Variants in GRM7 observed in about 807,000 individuals in gnomAD.
GRM7 encodes glutamate metabotropic receptor 7, also known as metabotropic glutamate receptor 7.
A neutral mutation model predicts 84.5 loss-of-function variants in GRM7; 35 were observed. That is an observed-to-expected ratio of 0.41 (90% CI 0.32 to 0.55). GRM7 has a LOEUF of 0.55. Among genes scored for constraint, GRM7 ranks in the 20% least tolerant of loss-of-function variants. The pLI, the probability that GRM7 is intolerant of heterozygous loss-of-function variation, is 0.19. For missense variants in GRM7, 1,003 were observed against 1,194.6 expected, an observed-to-expected ratio of 0.84 and a Z score of 2.36; for synonymous variants, 487 against 455.1, an observed-to-expected ratio of 1.07 and a Z score of -0.89.
intron 6 of GRM7, among the ~76,000 whole-genome samples, chr3:7,458,067 G>T (rs1698093358): frequency 6.6e-6 from 1 of 152,192 alleles, no homozygotes; most frequent in South Asian, 2.1e-4. Context: ...GTGGTAAAAT[G>T]AGAACAGAAA....
chr3:6,907,348 T>A (rs1471162620), intron 1 of GRM7, among the ~76,000 whole-genome samples: 1 of 152,208 alleles, frequency 6.6e-6, no homozygotes, highest in Non-Finnish European at 1.5e-5. Flanking sequence ...GTACATGAGA[T>A]GAAAATGGTT....
intron 7 of GRM7, among the ~76,000 whole-genome samples, chr3:7,538,784 G>A (rs556923118): frequency 1.8e-4 from 27 of 152,266 alleles, no homozygotes; most frequent in African/African-American, 6.0e-4. Context: ...TGGCTGTTTC[G>A]CAGGTGCAAC....
chr3:7,141,258 C>T (rs1292630419), intron 1 of GRM7, among the ~76,000 whole-genome samples: 1 of 151,444 alleles, frequency 6.6e-6, no homozygotes, highest in Non-Finnish European at 1.5e-5. Context: ...GGGTAGAAGA[C>T]AAAAAGAAAA....
At chr3:7,527,955 A>G (rs1039772116) in intron 7 of GRM7, among the ~76,000 whole-genome samples, 5 of 151,986 alleles carry the variant, frequency 3.3e-5, no homozygotes, top group Admixed American at 6.6e-5. Flanking sequence ...TGCTGCATCT[A>G]TGTTAATCAG....
intron 2 of GRM7, among the ~76,000 whole-genome samples, chr3:7,184,076 G>A (rs6795397): frequency 0.25 from 38,153 of 152,064 alleles, 5,551 homozygotes; most frequent in Non-Finnish European, 0.34. Flanking sequence ...CTTATGACAA[G>A]GAGGAGGATG....
At chr3:7,547,241 C>G (rs1575478863) in intron 7 of GRM7, among the ~76,000 whole-genome samples, 1 of 119,912 alleles carries the variant, frequency 8.3e-6, no homozygotes, top group East Asian at 2.8e-4. Flanking sequence ...GAGTCTCACT[C>G]TGTCGCCCAG....
At chr3:7,230,351 G>A (rs1697153239) in intron 2 of GRM7, among the ~76,000 whole-genome samples, 4 of 152,150 alleles carry the variant, frequency 2.6e-5, no homozygotes, top group African/African-American at 9.7e-5. Flanking sequence ...AATATCAAGA[G>A]CAAGCAAGGT....
chr3:7,248,207 A>G (rs1056720328), intron 2 of GRM7, among the ~76,000 whole-genome samples: 8 of 152,198 alleles, frequency 5.3e-5, no homozygotes, highest in Non-Finnish European at 2.9e-5. Context: ...GCAAACTAGA[A>G]GAGACTCAAA....
At chr3:7,211,692 T>C (rs992509094) in intron 2 of GRM7, among the ~76,000 whole-genome samples, 5 of 142,968 alleles carry the variant, frequency 3.5e-5, no homozygotes, top group African/African-American at 1.3e-4. Context: ...AAAAAATTCT[T>C]TGTTGCGGAT....
intron 1 of GRM7, among the ~76,000 whole-genome samples, chr3:7,103,905 G>T (rs1315430507): frequency 1.4e-5 from 2 of 141,720 alleles, no homozygotes; most frequent in African/African-American, 5.5e-5. Context: ...ATTGTATTTA[G>T]GTCTGTAAAT....
intron 1 of GRM7, 54 bp from the exon 2 acceptor site, chr3:7,146,398 A>G: frequency 7.9e-7 from 1 of 1,268,602 alleles, no homozygotes; most frequent in Non-Finnish European, 1.2e-6. Context: ...AGTATAAATG[A>G]GTCTCTTACA....
At chr3:6,997,907 G>A (rs6803629) in intron 1 of GRM7, among the ~76,000 whole-genome samples, 2,095 of 151,846 alleles carry the variant, frequency 0.014, 60 homozygotes, top group African/African-American at 0.048. Context: ...ATCACCTAAG[G>A]TCATGAGTAC....
At chr3:7,040,964 T>A (rs1027537080) in intron 1 of GRM7, among the ~76,000 whole-genome samples, 4 of 151,496 alleles carry the variant, frequency 2.6e-5, no homozygotes, top group Non-Finnish European at 5.9e-5. Context: ...GCACCTGTAG[T>A]CCCAGCTACT....
At chr3:7,517,780 C>T (rs1700446805) in intron 7 of GRM7, among the ~76,000 whole-genome samples, 1 of 152,220 alleles carries the variant, frequency 6.6e-6, no homozygotes, top group South Asian at 2.1e-4. Flanking sequence ...TATCCCAGTT[C>T]ATCTTCATAA....
chr3:7,413,715 A>G (rs1023909225), intron 4 of GRM7, among the ~76,000 whole-genome samples: 1 of 152,180 alleles, frequency 6.6e-6, no homozygotes, highest in African/African-American at 2.4e-5. Context: ...TGATACAGTA[A>G]GTTGGTGATG....
intron 1 of GRM7, among the ~76,000 whole-genome samples, chr3:6,902,916 A>C (rs1696443852): frequency 6.6e-6 from 1 of 151,730 alleles, no homozygotes; most frequent in Non-Finnish European, 1.5e-5. Flanking sequence ...TAAGGGTTAG[A>C]ACTTTTTATA....
intron 4 of GRM7, among the ~76,000 whole-genome samples, chr3:7,401,182 C>G (rs1434757470): frequency 6.6e-6 from 1 of 152,078 alleles, no homozygotes; most frequent in Non-Finnish European, 1.5e-5. Context: ...ATGTATATGA[C>G]GAAGAAGCAA....
chr3:7,723,494 C>A (rs183012933), intron 9 of GRM7, among the ~76,000 whole-genome samples: 16 of 152,218 alleles, frequency 1.1e-4, no homozygotes, highest in African/African-American at 3.6e-4. Flanking sequence ...CTAGACATCA[C>A]CACAGCAAGC....
intron 2 of GRM7, among the ~76,000 whole-genome samples, chr3:7,167,953 G>C: frequency 7.6e-6 from 1 of 131,178 alleles, no homozygotes; most frequent in South Asian, 2.5e-4. Flanking sequence ...TAGCCTGGGC[G>C]ACTGAGCGAG....
Sources: allele counts gnomAD v4.1 joint callset (sites outside exome capture counted in the v4.1 genomes callset), GRCh38; gene constraint gnomAD v4.1.1; transcripts MANE v1.5; gene names NCBI Gene and HGNC (gene_info 2026-07-23, HGNC 2026-07-21).